NAALADL2: variants seen among roughly 807,000 people sequenced by gnomAD.
NAALADL2 encodes inactive N-acetylated-alpha-linked acidic dipeptidase-like protein 2.
In NAALADL2, 76 loss-of-function variants were observed where a neutral mutation model predicts 87.2. The ratio of observed to expected loss-of-function variants is 0.87; its 90% CI spans 0.72 to 1.05. The LOEUF is 1.05. Ranked by LOEUF, NAALADL2 falls within the 50% of genes least tolerant of loss-of-function variation. NAALADL2 has a pLI of 0.00. For synonymous variants in NAALADL2, 354 were observed against 331.0 expected (o/e 1.07, Z -0.75); for missense variants, 1,089 against 945.8 (o/e 1.15, Z -1.99).
At chr3:174,704,082 G>A (rs937134967) in intron 2 of NAALADL2, among the ~76,000 whole-genome samples, 7 of 152,108 alleles carry the variant, frequency 4.6e-5, no homozygotes, top group South Asian at 2.1e-4. Flanking sequence ...TAGGAGATAC[G>A]GAAGCTTTAA....
intron 5 of NAALADL2, among the ~76,000 whole-genome samples, chr3:175,419,815 G>A (rs1715346074): frequency 6.6e-6 from 1 of 151,982 alleles, no homozygotes; most frequent in South Asian, 2.1e-4. Context: ...ATTTGACTAT[G>A]AGGTGGCATT....
At chr3:174,830,299 T>A (rs1464978003) in intron 3 of NAALADL2, among the ~76,000 whole-genome samples, 1 of 151,066 alleles carries the variant, frequency 6.6e-6, no homozygotes, top group East Asian at 1.9e-4. Context: ...TTGTATAAGG[T>A]GTAAGGAAGG....
At chr3:174,803,403 G>C (rs1002803647) in intron 3 of NAALADL2, among the ~76,000 whole-genome samples, 1 of 152,038 alleles carries the variant, frequency 6.6e-6, no homozygotes, top group African/African-American at 2.4e-5. Flanking sequence ...AGATTGGAAA[G>C]ATTTTCTCCC....
intron 1 of NAALADL2, among the ~76,000 whole-genome samples, chr3:174,534,971 C>T (rs1560037967): frequency 6.6e-6 from 1 of 152,122 alleles, no homozygotes; most frequent in East Asian, 1.9e-4. Flanking sequence ...TGGAGTTACA[C>T]TATAGCTATT....
chr3:175,281,571 G>C (rs553410951), intron 4 of NAALADL2, among the ~76,000 whole-genome samples: 44 of 151,990 alleles, frequency 2.9e-4, no homozygotes, highest in African/African-American at 7.9e-4. Context: ...TTGTGTATCT[G>C]TACCAGTGAG....
At chr3:174,931,429 C>T (rs1013726607) in intron 1 of NAALADL2, among the ~76,000 whole-genome samples, 2 of 151,986 alleles carry the variant, frequency 1.3e-5, no homozygotes, top group Non-Finnish European at 2.9e-5. Flanking sequence ...AGTGCCATAT[C>T]GTAGAATTAT....
chr3:174,644,915 T>C (rs62284709), intron 2 of NAALADL2, among the ~76,000 whole-genome samples: 10,960 of 152,276 alleles, frequency 0.072, 587 homozygotes, highest in South Asian at 0.26. Flanking sequence ...AAAATTATTA[T>C]TTCTGAAAGA....
intron 5 of NAALADL2, among the ~76,000 whole-genome samples, chr3:175,410,760 G>T (rs375528728): frequency 2.0e-4 from 31 of 152,290 alleles, no homozygotes; most frequent in African/African-American, 7.0e-4. Flanking sequence ...ATTATCTGAG[G>T]CATAAGTATG....
intron 9 of NAALADL2, among the ~76,000 whole-genome samples, chr3:175,503,171 G>A (rs562912434): frequency 3.9e-5 from 6 of 152,162 alleles, no homozygotes; most frequent in African/African-American, 1.4e-4. Flanking sequence ...TTACAAGTTA[G>A]AACTTGGAAT....
At chr3:175,066,792 C>G (rs1714614489) in intron 1 of NAALADL2, among the ~76,000 whole-genome samples, 1 of 152,048 alleles carries the variant, frequency 6.6e-6, no homozygotes, top group Non-Finnish European at 1.5e-5. Flanking sequence ...TACAATAATC[C>G]AAAAACAGGT....
chr3:175,593,143 T>C (rs1721760377), intron 10 of NAALADL2, among the ~76,000 whole-genome samples: 8 of 152,098 alleles, frequency 5.3e-5, no homozygotes, highest in Admixed American at 5.2e-4. Flanking sequence ...ATTAGCTCTT[T>C]ATCCTGATGC....
At chr3:174,694,091 T>C (rs1381915900) in intron 2 of NAALADL2, among the ~76,000 whole-genome samples, 2 of 152,146 alleles carry the variant, frequency 1.3e-5, no homozygotes, top group Non-Finnish European at 2.9e-5. Flanking sequence ...TTCAGACCCT[T>C]TCCCTTTGTA....
intron 3 of NAALADL2, among the ~76,000 whole-genome samples, chr3:174,816,565 C>CAT (rs1335262606): frequency 6.8e-6 from 1 of 148,120 alleles, no homozygotes; most frequent in Admixed American, 6.8e-5. Context: ...TGTTATGTAA[C>CAT]ATATATATAA....
chr3:174,761,748 A>T (rs945498477), intron 3 of NAALADL2, among the ~76,000 whole-genome samples: 1 of 149,530 alleles, frequency 6.7e-6, no homozygotes, highest in Non-Finnish European at 1.5e-5. Context: ...GTATATCTCC[A>T]AATGCTAACC....
At chr3:175,026,583 A>T (rs115404719) in intron 1 of NAALADL2, among the ~76,000 whole-genome samples, 336 of 151,960 alleles carry the variant, frequency 2.2e-3, no homozygotes, top group African/African-American at 7.4e-3. Flanking sequence ...TGAACCTGGT[A>T]GGCAGAGGTC....
At chr3:175,077,929 C>T (rs1311901730) in intron 1 of NAALADL2, among the ~76,000 whole-genome samples, 1 of 152,050 alleles carries the variant, frequency 6.6e-6, no homozygotes, top group Non-Finnish European at 1.5e-5. Context: ...AGTTTTACCT[C>T]TGTACACCAT....
rs767642342 is a variant in NAALADL2, at chr3:175,667,227, GAAAGAAAGAAAGAAAA to G, written c.1896+39843_1896+39858del. 3.4e-3 allele frequency among the ~76,000 whole-genome samples: 434 copies of G among 126,914 alleles called. 1 individual carries two copies. The highest frequency in any genetic ancestry group is 4.5e-3 in the Admixed American group (61 of 13,468). 83.3% of individuals were successfully genotyped at this position (126,914 alleles called of 152,430 possible). ...AGAAAGAAAGAAAGAAAGAAAGAAA[GAAAGAAAGAAAGAAAA>G]AGAAAGAAAGAAAGAAAGAAAGGAA... On this transcript the variant is annotated intron_variant, in intron 11 of 13. Coordinates refer to ENST00000454872, the MANE Select transcript of NAALADL2 (RefSeq NM_207015.3).
intron 3 of NAALADL2, among the ~76,000 whole-genome samples, chr3:174,836,063 C>T (rs66798224): frequency 0.16 from 24,821 of 152,112 alleles, 2,403 homozygotes; most frequent in African/African-American, 0.26. Flanking sequence ...ATAGGAGCAT[C>T]ATTCACAATA....
At chr3:175,367,997 A>G (rs943848888) in intron 5 of NAALADL2, among the ~76,000 whole-genome samples, 8 of 152,032 alleles carry the variant, frequency 5.3e-5, no homozygotes, top group African/African-American at 1.9e-4. Flanking sequence ...TGGGTTTGTC[A>G]TAGATAGCTC....
Sources: allele counts gnomAD v4.1 joint callset (sites outside exome capture counted in the v4.1 genomes callset), GRCh38; gene constraint gnomAD v4.1.1; transcripts MANE v1.5; gene names NCBI Gene and HGNC (gene_info 2026-07-23, HGNC 2026-07-21).